The following ASB7 variants were observed in gnomAD, a reference collection of about 807,000 sequenced individuals.
ASB7 encodes the protein ankyrin repeat and SOCS box containing 7.
A neutral mutation model predicts 32.5 loss-of-function variants in ASB7; 4 were observed. The observed-to-expected ratio is 0.12, with a 90% CI of 0.06 to 0.28. The LOEUF (loss-of-function observed/expected upper bound fraction) is 0.28, where lower values mean the gene tolerates loss of function less well. ASB7 is among the 10% of genes least tolerant of loss of function. ASB7 has a pLI of 1.00. For synonymous variants in ASB7, 172 were observed against 155.6 expected, an observed-to-expected ratio of 1.11 and a Z score of -0.78; for missense variants, 181 against 407.1, an observed-to-expected ratio of 0.44 and a Z score of 4.78.
intron 4 of ASB7, among the ~76,000 whole-genome samples, chr15:100,619,420 TCAGA>T (rs2039772433): frequency 6.6e-6 from 1 of 152,164 alleles, no homozygotes; most frequent in Non-Finnish European, 1.5e-5. Flanking sequence ...TGTGAACATA[TCAGA>T]AGGGCGTAAG....
chr15:100,622,375 C>G (rs2039801550), intron 4 of ASB7, among the ~76,000 whole-genome samples: 1 of 152,126 alleles, frequency 6.6e-6, no homozygotes, highest in African/African-American at 2.4e-5. Flanking sequence ...TAAAATGACT[C>G]TTCTATCCAA....
At chr15:100,636,920 A>G (rs2141404156) in intron 5 of ASB7, among the ~76,000 whole-genome samples, 1 of 152,344 alleles carries the variant, frequency 6.6e-6, no homozygotes, top group East Asian at 1.9e-4. Flanking sequence ...ATGGTGTACA[A>G]GCAGTGGCAG....
chr15:100,646,517 A>T, intron 5 of ASB7: 2 of 444,210 alleles, frequency 4.5e-6, no homozygotes, highest in Non-Finnish European at 9.3e-6. Flanking sequence ...TATTTGTGGA[A>T]CTCATTTCTG....
intron 3 of ASB7, among the ~76,000 whole-genome samples, chr15:100,610,594 G>T (rs756461357): frequency 7.9e-5 from 12 of 152,112 alleles, no homozygotes; most frequent in Non-Finnish European, 1.2e-4. Flanking sequence ...GCACTTAGTT[G>T]TGATACTTAG....
intron 5 of ASB7, among the ~76,000 whole-genome samples, chr15:100,640,213 C>G (rs1483326422): frequency 6.6e-6 from 1 of 152,096 alleles, no homozygotes; most frequent in Admixed American, 6.5e-5. Flanking sequence ...GGTGTGATCT[C>G]AGCTCACTGC....
Position 100,625,509 on chromosome 15 carries a change from T to A in ASB7, c.212-3928T>A, listed in dbSNP as rs572462876. On this transcript the variant is annotated intron_variant, in intron 4 of 5. Coordinates refer to ENST00000332783, the MANE Select transcript of ASB7 (RefSeq NM_198243.3). ...ATTTAATAATAAATTTAACAAAAGA[T>A]ATGCATGACGTATATAAGCTATAAA... Among the ~76,000 whole-genome samples the A allele has an allele frequency of 5.3e-5, 8 of 152,326 alleles. No individual in the cohort carries two copies. The South Asian group carries it at 1.0e-3, about 20-fold the overall frequency.
intron 5 of ASB7, among the ~76,000 whole-genome samples, chr15:100,642,494 T>G (rs2039968237): frequency 2.0e-5 from 3 of 152,170 alleles, no homozygotes; most frequent in African/African-American, 7.2e-5. Flanking sequence ...GTCAAAAAAC[T>G]TTTTCATACA....
intron 4 of ASB7, among the ~76,000 whole-genome samples, chr15:100,614,898 G>C (rs984367321): frequency 2.0e-5 from 3 of 152,160 alleles, no homozygotes; most frequent in South Asian, 2.1e-4. Flanking sequence ...CTTTCTCTCT[G>C]TATATATGTA....
At chr15:100,630,095 G>T in intron 5 of ASB7, 53 bp downstream of exon 5, 8 of 1,468,176 alleles carry the variant, frequency 5.4e-6, no homozygotes, top group Non-Finnish European at 5.4e-6. Flanking sequence ...TGCATCTTCT[G>T]AGGAGCTTAA....
chr15:100,629,370 T>C lies in ASB7; in HGVS notation c.212-67T>C, dbSNP rs1292047265. 1 of 1,395,126 alleles carries C rather than the reference T, an allele frequency of 7.2e-7. No homozygotes were observed. Among genetic ancestry groups the C allele is most frequent in the Non-Finnish European group, 9.9e-7 (1 of 1,012,038 alleles). 86.4% of individuals were successfully genotyped at this position (1,395,126 alleles called of 1,614,324 possible). A position where few individuals can be genotyped will look rare whatever the true frequency, so the allele number is the denominator to read the frequency against. ...TATGAGAATTGGCCACAGTTTGCTG[T>C]GCCATGGTAATGTTTGTTGTTTTGT... is the stretch of plus-strand genomic sequence containing the variant. On this transcript the variant is annotated intron_variant, in intron 4 of 5. Transcript: ENST00000332783. This position sits in a 1 kb window ranked among gnomAD's most constrained non-coding sequence, Gnocchi z 6.8.
At chr15:100,603,144 A>G in intron 1 of ASB7, 71 bp from the exon 2 acceptor site, 1 of 396,168 alleles carries the variant, frequency 2.5e-6, no homozygotes, top group African/African-American at 2.1e-5. Context: ...GCCACTCTCC[A>G]GCCCCTTTCC....
chr15:100,642,040 T>C (rs28429113), intron 5 of ASB7, among the ~76,000 whole-genome samples: 5,195 of 152,266 alleles, frequency 0.034, 282 homozygotes, highest in African/African-American at 0.12. Context: ...AAGGAAATTC[T>C]GCAGACAGGA....
chr15:100,602,765 G>C lies in ASB7; in HGVS notation c.-554G>C, dbSNP rs2039560697. 3 of 386,088 alleles carry C rather than the reference G, an allele frequency of 7.8e-6. No homozygotes were observed. Among genetic ancestry groups the C allele is most frequent in the African/African-American group, 4.2e-5 (2 of 48,152 alleles). The allele number at this position is 386,088 out of a possible 1,614,324, so 23.9% of individuals were successfully genotyped here. A position where few individuals can be genotyped will look rare whatever the true frequency, so the allele number is the denominator to read the frequency against. On this transcript the variant is annotated 5_prime_UTR_variant, in exon 1 of 6. Transcript: ENST00000332783. ...GCTGGAAGCCTCCGGCCCGGAGCGCGGCAGCCCCCTGCTCCGAGCCCTGGA... is the reference window on the plus strand; with the variant it reads ...GCTGGAAGCCTCCGGCCCGGAGCGCCGCAGCCCCCTGCTCCGAGCCCTGGA...
chr15:100,626,186 A>G (rs1350426669), intron 4 of ASB7, among the ~76,000 whole-genome samples: 2 of 152,252 alleles, frequency 1.3e-5, no homozygotes, highest in Non-Finnish European at 2.9e-5. Flanking sequence ...ATAATACAGA[A>G]AATGAAAAAG....
At chr15:100,631,681 T>C (rs2039884402) in intron 5 of ASB7, among the ~76,000 whole-genome samples, 1 of 152,236 alleles carries the variant, frequency 6.6e-6, no homozygotes, top group Non-Finnish European at 1.5e-5. Context: ...GCCTTAACTC[T>C]ATCCCATGTT....
At chr15:100,636,857 C>G (rs2039926950) in intron 5 of ASB7, among the ~76,000 whole-genome samples, 1 of 152,190 alleles carries the variant, frequency 6.6e-6, no homozygotes, top group Non-Finnish European at 1.5e-5. Flanking sequence ...AACGAATTTC[C>G]TAACAATACT....
intron 2 of ASB7, among the ~76,000 whole-genome samples, chr15:100,607,250 A>G (rs1192025986): frequency 6.6e-6 from 1 of 152,080 alleles, no homozygotes; most frequent in African/African-American, 2.4e-5. Context: ...TCCCTGAGGG[A>G]AAATAGGCTT....
chr15:100,619,497 G>A (rs779023279), intron 4 of ASB7, among the ~76,000 whole-genome samples: 21 of 152,212 alleles, frequency 1.4e-4, no homozygotes, highest in Non-Finnish European at 2.6e-4. Flanking sequence ...GAATAACTGA[G>A]CTTTTGGCCT....
chr15:100,603,288 G>C lies in ASB7; in HGVS notation c.-199G>C, dbSNP rs1596991868. ...CTATCAGAGAAGCAGAAGGCACAGT[G>C]CCTCTGACCAGCATCGTCTGTAAAG... On this transcript the variant is annotated 5_prime_UTR_variant, in exon 2 of 6. Coordinates refer to ENST00000332783, the MANE Select transcript of ASB7 (RefSeq NM_198243.3). 3.2e-6 allele frequency: 1 copy of C among 314,702 alleles called. No individual in the cohort carries two copies. The highest frequency in any genetic ancestry group is 5.0e-5 in the Admixed American group (1 of 19,932). The allele number at this position is 314,702 out of a possible 1,614,324, so 19.5% of individuals were successfully genotyped here.
Sources: gnomAD v4.1 joint callset for allele counts (sites outside exome capture counted in the v4.1 genomes callset) on GRCh38, gnomAD v4.1.1 for gene constraint, Gnocchi (gnomAD v3.1) non-coding constraint, MANE v1.5 for transcripts, NCBI Gene and HGNC (gene_info 2026-07-23, HGNC 2026-07-21) for gene names.